ZDHHC2: variants seen among roughly 807,000 people sequenced by gnomAD.
ZDHHC2 encodes palmitoyltransferase ZDHHC2.
In ZDHHC2, 51 loss-of-function variants were observed where a neutral mutation model predicts 55.6. The ratio of observed to expected loss-of-function variants is 0.92; its 90% CI spans 0.73 to 1.16. The LOEUF (loss-of-function observed/expected upper bound fraction) is 1.16. ZDHHC2 is among the 50% of genes most tolerant of loss of function. The probability of loss-of-function intolerance (pLI) is 0.00; values close to 1 mark genes in which losing one functional copy is unlikely to be tolerated. For missense variants in ZDHHC2, 491 were observed against 442.4 expected (o/e 1.11, Z -0.99); for synonymous variants, 199 against 152.9 (o/e 1.30, Z -2.22).
At chr8:17,168,493 T>C (rs965125780) in intron 1 of ZDHHC2, among the ~76,000 whole-genome samples, 3 of 152,196 alleles carry the variant, frequency 2.0e-5, no homozygotes, top group Non-Finnish European at 4.4e-5. Context: ...TGGTAAAATA[T>C]TGATAACATA....
chr8:17,191,260 C>G (rs373032574), intron 3 of ZDHHC2, among the ~76,000 whole-genome samples: 3 of 151,940 alleles, frequency 2.0e-5, no homozygotes, highest in Non-Finnish European at 4.4e-5. Context: ...GCACCTGGCC[C>G]AAATTTTTGT....
At chr8:17,184,920 G>A in intron 2 of ZDHHC2, 105 bp downstream of exon 2, 1 of 1,021,780 alleles carries the variant, frequency 9.8e-7, no homozygotes, top group Non-Finnish European at 1.4e-6. Context: ...TGAGAATGTG[G>A]AGACAAGCTA....
chr8:17,200,900 A>T (rs1157037207), intron 6 of ZDHHC2, among the ~76,000 whole-genome samples: 1 of 152,134 alleles, frequency 6.6e-6, no homozygotes, highest in African/African-American at 2.4e-5. Flanking sequence ...TCACTTCCCC[A>T]TCACTTCCCT....
chr8:17,188,011 T>C (rs1056561820), intron 3 of ZDHHC2, among the ~76,000 whole-genome samples: 2 of 152,250 alleles, frequency 1.3e-5, no homozygotes, highest in Non-Finnish European at 2.9e-5. Flanking sequence ...GTCTGAGATA[T>C]TGTATTCTTC....
chr8:17,182,122 A>G (rs1219213997), intron 1 of ZDHHC2, among the ~76,000 whole-genome samples: 1 of 152,198 alleles, frequency 6.6e-6, no homozygotes, highest in East Asian at 1.9e-4. Context: ...GAAATAAGTT[A>G]ATTTGCAAAC....
At chr8:17,208,310 C>A (rs1011169316) in intron 8 of ZDHHC2, among the ~76,000 whole-genome samples, 1 of 147,946 alleles carries the variant, frequency 6.8e-6, no homozygotes, top group African/African-American at 2.5e-5. Context: ...ATATATGAGA[C>A]TATATATATA....
At chr8:17,166,859 T>C (rs576192607) in intron 1 of ZDHHC2, among the ~76,000 whole-genome samples, 1 of 152,244 alleles carries the variant, frequency 6.6e-6, no homozygotes, top group East Asian at 1.9e-4. Flanking sequence ...TTTGAACTTA[T>C]TACTGACTCT....
intron 1 of ZDHHC2, among the ~76,000 whole-genome samples, chr8:17,178,416 C>T (rs1254413864): frequency 6.6e-6 from 1 of 152,032 alleles, no homozygotes; most frequent in Non-Finnish European, 1.5e-5. Flanking sequence ...CACACACATC[C>T]TATTAAATCT....
intron 8 of ZDHHC2, among the ~76,000 whole-genome samples, chr8:17,208,323 TATATATAG>T (rs1029303695): frequency 2.0e-5 from 3 of 149,890 alleles, no homozygotes; most frequent in African/African-American, 7.3e-5. Flanking sequence ...TATATATATC[TATATATAG>T]ATATATAGAT....
chr8:17,167,625 A>G (rs1194436367), intron 1 of ZDHHC2, among the ~76,000 whole-genome samples: 2 of 152,182 alleles, frequency 1.3e-5, no homozygotes, highest in Admixed American at 6.5e-5. Flanking sequence ...ATGGTTTCAC[A>G]TATAACAATA....
intron 12 of ZDHHC2, among the ~76,000 whole-genome samples, chr8:17,217,942 G>GATA (rs1476034118): frequency 2.6e-5 from 4 of 152,256 alleles, no homozygotes; most frequent in South Asian, 4.1e-4. Flanking sequence ...AAGATAGCAA[G>GATA]ATAACTCTCT....
intron 2 of ZDHHC2, among the ~76,000 whole-genome samples, chr8:17,185,760 A>G (rs1226993933): frequency 2.0e-5 from 3 of 152,232 alleles, no homozygotes; most frequent in African/African-American, 7.2e-5. Flanking sequence ...AAAAGTATTC[A>G]GAACACTTTT....
At chr8:17,201,479 CTCTTTTTT>C (rs1806760600) in intron 6 of ZDHHC2, among the ~76,000 whole-genome samples, 1 of 88,194 alleles carries the variant, frequency 1.1e-5, no homozygotes, top group South Asian at 3.9e-4. Flanking sequence ...CTCTCTCTCT[CTCTTTTTT>C]TTTTTTTTTT....
chr8:17,174,883 G>A (rs1043066870), intron 1 of ZDHHC2, among the ~76,000 whole-genome samples: 1 of 151,430 alleles, frequency 6.6e-6, no homozygotes, highest in Admixed American at 6.6e-5. Context: ...GCTAATTGTG[G>A]GGTTTTTTTT....
chr8:17,183,186 C>T (rs545450324), intron 1 of ZDHHC2, among the ~76,000 whole-genome samples: 1 of 152,312 alleles, frequency 6.6e-6, no homozygotes, highest in South Asian at 2.1e-4. Flanking sequence ...CAGTAAGGGT[C>T]ATTCATATAT....
intron 4 of ZDHHC2, among the ~76,000 whole-genome samples, 195 bp downstream of exon 4, chr8:17,195,819 G>A (rs1490343310): frequency 3.3e-5 from 5 of 152,046 alleles, no homozygotes; most frequent in Non-Finnish European, 1.5e-5. Context: ...CTGTGGCACA[G>A]AGATCGCAAG....
At chr8:17,156,893 A>T (rs1369459211) in intron 1 of ZDHHC2, 40 bp downstream of exon 1, 1 of 1,468,388 alleles carries the variant, frequency 6.8e-7, no homozygotes, top group Admixed American at 2.4e-5. Flanking sequence ...AGCGCAGCGC[A>T]GCCCACCCCG....
intron 1 of ZDHHC2, among the ~76,000 whole-genome samples, chr8:17,183,477 A>G (rs1282240761): frequency 1.3e-5 from 2 of 152,254 alleles, no homozygotes; most frequent in African/African-American, 4.8e-5. Flanking sequence ...CTTGGAGAAC[A>G]GGCCATTTGT....
intron 1 of ZDHHC2, among the ~76,000 whole-genome samples, chr8:17,169,312 C>G (rs1458594616): frequency 1.3e-5 from 2 of 151,270 alleles, no homozygotes; most frequent in African/African-American, 4.9e-5. Flanking sequence ...TGTGAAGAAT[C>G]CCATGTTGCC....
Sources: gnomAD v4.1 joint callset for allele counts (sites outside exome capture counted in the v4.1 genomes callset) on GRCh38, gnomAD v4.1.1 for gene constraint, MANE v1.5 for transcripts, NCBI Gene and HGNC (gene_info 2026-07-23, HGNC 2026-07-21) for gene names.